The following GALNT13 variants were observed in gnomAD, a reference collection of about 807,000 sequenced individuals.
GALNT13 encodes polypeptide N-acetylgalactosaminyltransferase 13.
In GALNT13, 28 loss-of-function variants were observed where a neutral mutation model predicts 64.2. The ratio of observed to expected loss-of-function variants is 0.44; its 90% CI spans 0.32 to 0.60. The LOEUF is 0.60. GALNT13 is among the 20% of genes least tolerant of loss of function. The probability of loss-of-function intolerance (pLI) is 0.05; values close to 1 mark genes in which losing one functional copy is unlikely to be tolerated. For missense variants in GALNT13, 577 were observed against 669.8 expected, an observed-to-expected ratio of 0.86 and a Z score of 1.53; for synonymous variants, 214 against 224.6, an observed-to-expected ratio of 0.95 and a Z score of 0.42.
chr2:153,436,601 C>T, the GALNT13 span, among the ~76,000 whole-genome samples: 30 of 152,140 alleles, frequency 2.0e-4, no homozygotes, highest in Non-Finnish European at 3.8e-4. Context: ...TCTAGATTTT[C>T]TAGTTTATTT....
chr2:153,233,411 A>G, the GALNT13 span, among the ~76,000 whole-genome samples: 2 of 152,084 alleles, frequency 1.3e-5, no homozygotes, highest in African/African-American at 4.8e-5. Context: ...TATCTAGAGG[A>G]TAGTTCACAG....
chr2:153,258,329 C>T, the GALNT13 span, among the ~76,000 whole-genome samples: 17 of 151,880 alleles, frequency 1.1e-4, no homozygotes, highest in Non-Finnish European at 2.5e-4. Context: ...CACAAATTAT[C>T]TGGAGACTGA....
At chr2:153,624,792 CTTTTTTT>C in the GALNT13 span, among the ~76,000 whole-genome samples, 78 of 121,216 alleles carry the variant, frequency 6.4e-4, no homozygotes, top group African/African-American at 2.3e-3. Flanking sequence ...GGAAGAGAGA[CTTTTTTT>C]TTTTTTTTTT....
At chr2:154,171,874 A>G (rs994381378) in intron 4 of GALNT13, among the ~76,000 whole-genome samples, 9 of 151,872 alleles carry the variant, frequency 5.9e-5, no homozygotes, top group Non-Finnish European at 8.8e-5. Context: ...TGAACTTATT[A>G]TTATTAATTA....
chr2:154,216,038 G>T (rs187233387), intron 4 of GALNT13, among the ~76,000 whole-genome samples: 27 of 151,862 alleles, frequency 1.8e-4, no homozygotes, highest in Non-Finnish European at 3.2e-4. Flanking sequence ...TTTTACATTT[G>T]ATATTTTCTT....
At chr2:153,767,902 T>A in the GALNT13 span, among the ~76,000 whole-genome samples, 1 of 152,196 alleles carries the variant, frequency 6.6e-6, no homozygotes, top group East Asian at 1.9e-4. Context: ...ATTTAAGTGG[T>A]CTGTTTACTC....
chr2:154,143,678 T>C (rs1343144026), intron 4 of GALNT13, among the ~76,000 whole-genome samples: 2 of 151,632 alleles, frequency 1.3e-5, no homozygotes, highest in South Asian at 4.2e-4. Flanking sequence ...CTGGCCAACA[T>C]GGTGAAACCC....
At chr2:154,240,309 A>G (rs1282991531) in intron 4 of GALNT13, among the ~76,000 whole-genome samples, 5 of 152,210 alleles carry the variant, frequency 3.3e-5, no homozygotes, top group Non-Finnish European at 5.9e-5. Flanking sequence ...TTGGATTTAT[A>G]AGCAAAGTCA....
the GALNT13 span, among the ~76,000 whole-genome samples, chr2:153,576,139 A>G: frequency 6.6e-6 from 1 of 151,334 alleles, no homozygotes; most frequent in African/African-American, 2.4e-5. Flanking sequence ...ATGCAAGATA[A>G]TGCCCTCCCC....
At chr2:153,702,035 G>A in the GALNT13 span, among the ~76,000 whole-genome samples, 2 of 152,152 alleles carry the variant, frequency 1.3e-5, no homozygotes, top group African/African-American at 4.8e-5. Context: ...GTACATGTAT[G>A]TTTATTGCAA....
At chr2:154,075,981 C>T (rs60490721) in intron 3 of GALNT13, among the ~76,000 whole-genome samples, 29,036 of 151,250 alleles carry the variant, frequency 0.19, 5,077 homozygotes, top group East Asian at 0.74. Context: ...AATAATGTAC[C>T]GGTCAGATTA....
At chr2:153,258,430 T>A in the GALNT13 span, among the ~76,000 whole-genome samples, 1 of 149,482 alleles carries the variant, frequency 6.7e-6, no homozygotes, top group African/African-American at 2.4e-5. Context: ...GTTGATCTCT[T>A]GTATTTTTTA....
At chr2:154,275,934 C>T (rs575428520) in intron 8 of GALNT13, among the ~76,000 whole-genome samples, 7 of 152,222 alleles carry the variant, frequency 4.6e-5, no homozygotes, top group African/African-American at 7.2e-5. Flanking sequence ...GACATGGAGT[C>T]GAAGAAGATC....
chr2:153,570,656 G>A, the GALNT13 span, among the ~76,000 whole-genome samples: 2 of 152,020 alleles, frequency 1.3e-5, no homozygotes, highest in African/African-American at 2.4e-5. Context: ...ATGGGGTCCT[G>A]TTTAATTCTT....
the GALNT13 span, among the ~76,000 whole-genome samples, chr2:153,274,749 C>T: frequency 3.9e-5 from 6 of 152,186 alleles, no homozygotes; most frequent in African/African-American, 1.2e-4. Context: ...TTTGAAGTCA[C>T]GTTTTTAAAT....
chr2:153,682,206 A>G, the GALNT13 span, among the ~76,000 whole-genome samples: 1 of 151,710 alleles, frequency 6.6e-6, no homozygotes, highest in African/African-American at 2.4e-5. Flanking sequence ...CTTCTGTCAT[A>G]TTTATGGCAT....
chr2:154,124,614 A>G (rs1027767499), intron 3 of GALNT13, among the ~76,000 whole-genome samples: 2 of 152,048 alleles, frequency 1.3e-5, no homozygotes, highest in Admixed American at 6.5e-5. Flanking sequence ...TATATACACT[A>G]TTCTTGTAAT....
the GALNT13 span, among the ~76,000 whole-genome samples, chr2:153,380,473 AAAT>A: frequency 1.3e-5 from 2 of 151,850 alleles, no homozygotes; most frequent in Non-Finnish European, 1.5e-5. Flanking sequence ...TCCTCTCTCT[AAAT>A]AATAATAATA....
chr2:154,319,432 G>A (rs371471833), intron 9 of GALNT13, among the ~76,000 whole-genome samples: 1 of 152,068 alleles, frequency 6.6e-6, no homozygotes, highest in Non-Finnish European at 1.5e-5. Context: ...TTGGGAGGCC[G>A]AGGTGGGTGG....
Sources: allele counts gnomAD v4.1 joint callset (sites outside exome capture counted in the v4.1 genomes callset), GRCh38; gene constraint gnomAD v4.1.1; transcripts MANE v1.5; gene names NCBI Gene and HGNC (gene_info 2026-07-23, HGNC 2026-07-21).